The following BLM variants were observed in gnomAD, a reference collection of about 807,000 sequenced individuals.
BLM encodes recQ-like DNA helicase BLM.
Under a neutral mutation model 135.3 loss-of-function variants are expected in BLM, and 95 were observed. The ratio of observed to expected loss-of-function variants is 0.70; its 90% CI spans 0.59 to 0.83. The LOEUF is 0.83. Ranked by LOEUF, BLM falls within the 40% of genes least tolerant of loss-of-function variation. The probability of loss-of-function intolerance (pLI) is 0.00; values close to 1 mark genes in which losing one functional copy is unlikely to be tolerated. For synonymous variants in BLM, 520 were observed against 589.2 expected (o/e 0.88, Z 1.70); for missense variants, 1,518 against 1,663.9 (o/e 0.91, Z 1.53).
chr15:90,760,021 C>A (rs2151156785), intron 5 of BLM, 126 bp from the exon 6 acceptor site: 2 of 778,064 alleles, frequency 2.6e-6, no homozygotes, highest in Non-Finnish European at 2.1e-6. Context: ...AACTCCTGGA[C>A]TTAAGCAATC....
intron 17 of BLM, among the ~76,000 whole-genome samples, chr15:90,801,845 C>T (rs1289613108): frequency 6.6e-6 from 1 of 152,092 alleles, no homozygotes; most frequent in Non-Finnish European, 1.5e-5. Context: ...TGCTTGAGCC[C>T]AGGAGTTCAA....
intron 16 of BLM, among the ~76,000 whole-genome samples, chr15:90,795,609 C>T (rs1015426964): frequency 6.6e-6 from 1 of 152,222 alleles, no homozygotes; most frequent in Non-Finnish European, 1.5e-5. Context: ...CACCCCATCC[C>T]TTAAACATTG....
intron 1 of BLM, among the ~76,000 whole-genome samples, chr15:90,725,359 A>G (rs1199991393): frequency 1.3e-5 from 2 of 152,214 alleles, no homozygotes; most frequent in African/African-American, 2.4e-5. Context: ...GCTGGCTAAT[A>G]CTTTATATTT....
intron 11 of BLM, 92 bp downstream of exon 11, chr15:90,769,323 C>A: frequency 6.5e-7 from 1 of 1,535,880 alleles, no homozygotes; most frequent in Non-Finnish European, 9.0e-7. Flanking sequence ...ACTGAGTGAA[C>A]GAGTCTCCTA....
At chr15:90,775,887 CTCGTTATATTGT>C (rs1201372722) in intron 12 of BLM, among the ~76,000 whole-genome samples, 3 of 151,976 alleles carry the variant, frequency 2.0e-5, no homozygotes, top group African/African-American at 7.3e-5. Context: ...GAGATGAGGT[CTCGTTATATTGT>C]TCGGGTTAGT....
intron 1 of BLM, among the ~76,000 whole-genome samples, chr15:90,727,221 C>T (rs1195412408): frequency 6.6e-6 from 1 of 151,592 alleles, no homozygotes; most frequent in Non-Finnish European, 1.5e-5. Context: ...GCTGTGTTGC[C>T]CAAGCTGGTC....
chr15:90,733,527 A>G (rs1484324539), intron 1 of BLM, among the ~76,000 whole-genome samples: 1 of 152,190 alleles, frequency 6.6e-6, no homozygotes, highest in Non-Finnish European at 1.5e-5. Context: ...CAAATTCTTT[A>G]TTTTCCAAAT....
At chr15:90,774,381 AT>A (rs1231409471) in intron 12 of BLM, among the ~76,000 whole-genome samples, 1 of 151,718 alleles carries the variant, frequency 6.6e-6, no homozygotes, top group Admixed American at 6.6e-5. Flanking sequence ...CGCCTCCATC[AT>A]TTTATATTAC....
intron 1 of BLM, among the ~76,000 whole-genome samples, chr15:90,729,912 C>G (rs1246232189): frequency 6.6e-6 from 1 of 152,204 alleles, no homozygotes; most frequent in Non-Finnish European, 1.5e-5. Context: ...GTGGCGTGAT[C>G]TCGGCTCACT....
intron 1 of BLM, among the ~76,000 whole-genome samples, chr15:90,738,696 C>T (rs1895286400): frequency 6.6e-6 from 1 of 152,108 alleles, no homozygotes; most frequent in Admixed American, 6.5e-5. Context: ...GGCCAATAAG[C>T]AAATGAAAAG....
chr15:90,763,018 A>G lies in BLM; in HGVS notation c.1935A>G (p.Gln645=). The G allele has an allele frequency of 3.7e-6, 6 of 1,613,564 alleles. No individual in the cohort carries two copies. Among genetic ancestry groups the G allele is most frequent in the Non-Finnish European group, 4.2e-6 (5 of 1,179,880 alleles). ...GAAATCTGAAACATGAGCGTTTCCA[A>G]AGTCTTAGTTTTCCTCATACAAAGG... ...ASRNLKHERF[Q]SLSFPHTKEM... is the part of the protein sequence containing the mutation. The change falls in exon 8 of 22, where the codon CAA becomes CAG. Residue 645 remains glutamine, a synonymous_variant. Coordinates refer to ENST00000355112, the MANE Select transcript of BLM (RefSeq NM_000057.4).
intron 12 of BLM, among the ~76,000 whole-genome samples, chr15:90,780,028 A>G (rs911865763): frequency 1.3e-5 from 2 of 152,006 alleles, no homozygotes; most frequent in African/African-American, 2.4e-5. Context: ...TGTTTTCAGG[A>G]AGTGAGGCAA....
Position 90,790,806 on chromosome 15 carries a change from C to A in BLM, c.2981C>A (p.Thr994Asn). The part of the protein sequence containing the change: ...GEISHCLLFY[T>N]YHDVTRLKRL... Reference sequence around the variant, plus strand: ...ATATCTCACTGCCTGCTTTTCTATACCTATCATGATGTGACCAGACTGAAA... The same window carrying A: ...ATATCTCACTGCCTGCTTTTCTATAACTATCATGATGTGACCAGACTGAAA... Residue 994 changes from threonine to asparagine, a missense_variant, in exon 15 of 22, where the codon ACC becomes AAC. Physicochemically the swap from Thr to Asn is moderately conservative, Grantham distance 65. Transcript: ENST00000355112. The A allele has an allele frequency of 6.2e-7, 1 of 1,614,126 alleles. No homozygotes were observed. Among genetic ancestry groups the A allele is most frequent in the South Asian group, 1.1e-5 (1 of 91,084 alleles).
At chr15:90,797,369 T>C (rs772547422) in intron 16 of BLM, among the ~76,000 whole-genome samples, 29 of 140,036 alleles carry the variant, frequency 2.1e-4, no homozygotes, top group Middle Eastern at 7.9e-3. Flanking sequence ...GGAGCCAAGA[T>C]TGCGCCATCG....
intron 12 of BLM, among the ~76,000 whole-genome samples, chr15:90,774,477 G>T (rs966394606): frequency 6.6e-6 from 1 of 151,988 alleles, no homozygotes; most frequent in African/African-American, 2.4e-5. Flanking sequence ...TATATGAAGT[G>T]GTAGGTGAAC....
chr15:90,790,052 A>C (rs1213841008), intron 14 of BLM, among the ~76,000 whole-genome samples: 1 of 129,180 alleles, frequency 7.7e-6, no homozygotes, highest in Non-Finnish European at 1.6e-5. Flanking sequence ...ACTTTTACCC[A>C]CATGAGTTTC....
intron 1 of BLM, among the ~76,000 whole-genome samples, chr15:90,723,984 T>A (rs1365592315): frequency 6.6e-6 from 1 of 152,136 alleles, no homozygotes; most frequent in African/African-American, 2.4e-5. Context: ...GATTTTTTTT[T>A]TAATTTTTTA....
chr15:90,763,489 C>A (rs1403163650), intron 8 of BLM, among the ~76,000 whole-genome samples: 1 of 152,048 alleles, frequency 6.6e-6, no homozygotes, highest in Non-Finnish European at 1.5e-5. Context: ...CCATTTCTGG[C>A]AGTTTATTTG....
intron 12 of BLM, among the ~76,000 whole-genome samples, chr15:90,775,500 T>TA (rs1329021931): frequency 1.3e-4 from 19 of 148,378 alleles, no homozygotes; most frequent in Admixed American, 5.4e-4. Context: ...TTTTTATTTT[T>TA]TATATATATA....
Sources: allele counts gnomAD v4.1 joint callset (sites outside exome capture counted in the v4.1 genomes callset), GRCh38; gene constraint gnomAD v4.1.1; transcripts MANE v1.5; gene names NCBI Gene and HGNC (gene_info 2026-07-23, HGNC 2026-07-21).